APC: variants seen among roughly 807,000 people sequenced by gnomAD.
APC encodes the protein adenomatous polyposis coli protein.
APC carries 72 observed loss-of-function variants against 247.0 expected under a neutral mutation model. That is an observed-to-expected ratio of 0.29 (90% CI 0.24 to 0.35). The LOEUF is 0.35. Ranked by LOEUF, APC falls within the 10% of genes least tolerant of loss-of-function variation. The probability of loss-of-function intolerance (pLI) is 1.00; values close to 1 mark genes in which losing one functional copy is unlikely to be tolerated. For missense variants in APC, 3,400 were observed against 3,360.7 expected, an observed-to-expected ratio of 1.01 and a Z score of -0.29; for synonymous variants, 1,254 against 1,162.5, an observed-to-expected ratio of 1.08 and a Z score of -1.60.
At chr5:112,719,803 A>G (rs1369932506) in intron 1 of APC, among the ~76,000 whole-genome samples, 1 of 152,190 alleles carries the variant, frequency 6.6e-6, no homozygotes, top group East Asian at 1.9e-4. Context: ...TCAGCCTCCC[A>G]AAGTTCTGGG....
chr5:112,729,397 A>G (rs1417704439), intron 1 of APC, among the ~76,000 whole-genome samples: 3 of 152,230 alleles, frequency 2.0e-5, no homozygotes, highest in African/African-American at 7.2e-5. Context: ...TAAGGTGATC[A>G]TGGAAGGTGT....
intron 2 of APC, among the ~76,000 whole-genome samples, chr5:112,755,983 A>AC (rs1173165016): frequency 2.6e-5 from 4 of 151,936 alleles, no homozygotes; most frequent in Non-Finnish European, 5.9e-5. Flanking sequence ...AAAAAAAAAA[A>AC]TCTTCCTGCT....
At chr5:112,725,822 T>C (rs1463640989) in intron 1 of APC, among the ~76,000 whole-genome samples, 3 of 152,218 alleles carry the variant, frequency 2.0e-5, no homozygotes, top group African/African-American at 7.2e-5. Context: ...AAGTATTTTG[T>C]TGAGAAAATC....
chr5:112,720,699 A>G (rs1030849735), intron 1 of APC, among the ~76,000 whole-genome samples: 1 of 152,222 alleles, frequency 6.6e-6, no homozygotes, highest in Non-Finnish European at 1.5e-5. Flanking sequence ...AAAGACACTT[A>G]GAGTGTGGGA....
intron 6 of APC, chr5:112,783,880 A>C: frequency 3.3e-6 from 1 of 301,104 alleles, no homozygotes; most frequent in Non-Finnish European, 6.4e-6. Context: ...AATTAAGTTC[A>C]AGTGTCTAAT....
intron 6 of APC, among the ~76,000 whole-genome samples, chr5:112,785,408 T>A (rs1335433491): frequency 1.3e-5 from 2 of 152,140 alleles, no homozygotes; most frequent in African/African-American, 2.4e-5. Flanking sequence ...GGAGGACCTG[T>A]TCACAGTAAC....
In APC at chr5:112,840,422, A is replaced by C. The variant is rs587781512; in HGVS notation, c.4828A>C (p.Ser1610Arg). 1 of 1,614,232 alleles carries C rather than the reference A, an allele frequency of 6.2e-7. No individual in the cohort carries two copies. The highest frequency in any genetic ancestry group is 8.5e-7 in the Non-Finnish European group (1 of 1,180,034). ...KLPPPVARKP[S>R]QLPVYKLLPS... is the part of the protein sequence containing the mutation. ...ACCTCCACCTGTGGCAAGGAAACCA[A>C]GTCAGCTGCCTGTGTACAAACTTCT... The change falls in exon 16 of 16, where the codon AGT becomes CGT. Residue 1610 changes from serine to arginine, a missense_variant. Ser to Arg is a moderately radical substitution (Grantham distance 110). Around this residue, in one of 9 missense-constraint regions of APC, gnomAD observed 1,788 missense variants for 1,649.5 expected, o/e 1.08. Transcript: ENST00000257430. This position sits in a 1 kb window ranked among gnomAD's most constrained non-coding sequence, Gnocchi z 4.1.
At chr5:112,836,799 C>T (rs1300949433) in intron 15 of APC, among the ~76,000 whole-genome samples, 2 of 149,994 alleles carry the variant, frequency 1.3e-5, no homozygotes, top group African/African-American at 2.5e-5. Flanking sequence ...CTCTGCCTCC[C>T]AAGTGATTCT....
intron 8 of APC, among the ~76,000 whole-genome samples, chr5:112,806,030 C>G (rs972299003): frequency 5.3e-5 from 8 of 152,130 alleles, no homozygotes. Flanking sequence ...CTCTCAGTAC[C>G]TCATATTTAC....
At chr5:112,788,213 C>A (rs367719309) in intron 6 of APC, among the ~76,000 whole-genome samples, 2 of 152,232 alleles carry the variant, frequency 1.3e-5, no homozygotes, top group East Asian at 3.9e-4. Context: ...ATCTTGATAT[C>A]CAGTTGGGTG....
chr5:112,731,038 T>G (rs1370356097), intron 1 of APC, among the ~76,000 whole-genome samples: 1 of 151,878 alleles, frequency 6.6e-6, no homozygotes, highest in Non-Finnish European at 1.5e-5. Context: ...TTCTGCATTT[T>G]CACATAATAT....
At chr5:112,718,280 G>A (rs1228739307) in intron 1 of APC, among the ~76,000 whole-genome samples, 1 of 152,134 alleles carries the variant, frequency 6.6e-6, no homozygotes, top group Non-Finnish European at 1.5e-5. Context: ...TATAATGTAA[G>A]ATGAAGTTAA....
chr5:112,763,294 G>GTA (rs771424921), intron 2 of APC, among the ~76,000 whole-genome samples: 111 of 150,838 alleles, frequency 7.4e-4, no homozygotes, highest in African/African-American at 2.1e-3. Flanking sequence ...ACCTTTGATA[G>GTA]TATATATATA....
intron 2 of APC, among the ~76,000 whole-genome samples, chr5:112,765,183 C>T (rs1344925781): frequency 2.0e-5 from 3 of 152,168 alleles, no homozygotes; most frequent in East Asian, 1.9e-4. Flanking sequence ...TGGCTCACTG[C>T]AGCCTCAAAC....
chr5:112,824,327 A>G (rs902895041), intron 11 of APC, among the ~76,000 whole-genome samples: 1 of 152,252 alleles, frequency 6.6e-6, no homozygotes, highest in East Asian at 1.9e-4. Context: ...TGCATATTTT[A>G]GCAAATCCAT....
At chr5:112,818,914 G>A (rs2149778075) in intron 9 of APC, 52 bp from the exon 10 acceptor site, 1 of 1,595,962 alleles carries the variant, frequency 6.3e-7, no homozygotes, top group Non-Finnish European at 8.5e-7. Context: ...TTGGTTTTTG[G>A]CTTTTGGATA....
intron 14 of APC, 114 bp downstream of exon 14, chr5:112,829,086 A>C: frequency 1.3e-6 from 1 of 742,066 alleles, no homozygotes; most frequent in South Asian, 1.5e-5. Flanking sequence ...ATTCAGTACT[A>C]TAATATGAAT....
intron 1 of APC, among the ~76,000 whole-genome samples, chr5:112,722,466 A>C (rs949012360): frequency 1.3e-5 from 2 of 152,162 alleles, no homozygotes; most frequent in Non-Finnish European, 2.9e-5. Context: ...AGTGGATGCT[A>C]GTTGGGTGTC....
intron 6 of APC, among the ~76,000 whole-genome samples, chr5:112,788,827 G>A (rs1208083594): frequency 2.0e-5 from 3 of 151,924 alleles, no homozygotes; most frequent in Non-Finnish European, 2.9e-5. Flanking sequence ...TTATATCATC[G>A]CCGGTTTAAG....
Sources: gnomAD v4.1 joint callset for allele counts (sites outside exome capture counted in the v4.1 genomes callset) on GRCh38, gnomAD v4.1.1 for gene constraint, gnomAD v4.1.1 regional missense constraint, Gnocchi (gnomAD v3.1) non-coding constraint, MANE v1.5 for transcripts, NCBI Gene and HGNC (gene_info 2026-07-23, HGNC 2026-07-21) for gene names.